Variants in TMEM131 observed in about 807,000 individuals in gnomAD.
TMEM131 encodes 2610524E03Rik.
Under a neutral mutation model 211.6 loss-of-function variants are expected in TMEM131, and 66 were observed. That is an observed-to-expected ratio of 0.31 (90% CI 0.26 to 0.38). TMEM131 has a LOEUF of 0.38. TMEM131 is among the 10% of genes least tolerant of loss of function. The probability of loss-of-function intolerance (pLI) is 1.00; values close to 1 mark genes in which losing one functional copy is unlikely to be tolerated. For missense variants in TMEM131, 2,036 were observed against 2,299.3 expected (o/e 0.89, Z 2.34); for synonymous variants, 844 against 841.3 (o/e 1.00, Z -0.06).
At chr2:97,906,995 T>A (rs891758202) in intron 3 of TMEM131, 4 of 152,234 alleles carry the variant, frequency 2.6e-5, no homozygotes, top group African/African-American at 9.6e-5. Flanking sequence ...CAAATTTTGA[T>A]CACGAATGAA....
chr2:97,796,765 A>C, intron 27 of TMEM131, 79 bp downstream of exon 27: 1 of 1,441,646 alleles, frequency 6.9e-7, no homozygotes. Flanking sequence ...ACATACAGAA[A>C]TAATGTTGTT....
At chr2:97,922,170 C>T (rs901086168) in intron 2 of TMEM131, among the ~76,000 whole-genome samples, 2 of 152,164 alleles carry the variant, frequency 1.3e-5, no homozygotes, top group African/African-American at 4.8e-5. Flanking sequence ...CAACCTAGAT[C>T]TCTCATGTGC....
At chr2:97,911,205 T>A (rs1676277982) in intron 2 of TMEM131, among the ~76,000 whole-genome samples, 1 of 152,188 alleles carries the variant, frequency 6.6e-6, no homozygotes, top group African/African-American at 2.4e-5. Context: ...AAAAAGTACA[T>A]TCTGTATGAC....
intron 1 of TMEM131, among the ~76,000 whole-genome samples, chr2:97,973,622 C>T (rs914607489): frequency 6.6e-6 from 1 of 152,208 alleles, no homozygotes; most frequent in African/African-American, 2.4e-5. Flanking sequence ...CTGATCAGTG[C>T]ATTTGTGTGA....
intron 4 of TMEM131, among the ~76,000 whole-genome samples, chr2:97,875,524 G>C (rs1456346238): frequency 6.6e-6 from 1 of 152,180 alleles, no homozygotes; most frequent in Non-Finnish European, 1.5e-5. Flanking sequence ...CAGTTTCTCA[G>C]ATCACAGTGC....
intron 12 of TMEM131, 42 bp downstream of exon 12, chr2:97,818,571 A>G (rs377667655): frequency 9.7e-5 from 128 of 1,325,796 alleles, no homozygotes; most frequent in Non-Finnish European, 1.3e-4. Flanking sequence ...TAGTTTATCA[A>G]AATAACATCA....
At chr2:97,902,859 C>G (rs982183661) in intron 3 of TMEM131, among the ~76,000 whole-genome samples, 4 of 152,184 alleles carry the variant, frequency 2.6e-5, no homozygotes, top group African/African-American at 9.7e-5. Flanking sequence ...TCCAAGCCTA[C>G]ATCTTTCTCC....
At chr2:97,845,786 G>A (rs1259072598) in intron 5 of TMEM131, among the ~76,000 whole-genome samples, 1 of 144,056 alleles carries the variant, frequency 6.9e-6, no homozygotes, top group Non-Finnish European at 1.5e-5. Flanking sequence ...CAATAAAACC[G>A]AAGCTGGTGC....
At chr2:97,769,605 C>T (rs1679366471) in intron 33 of TMEM131, among the ~76,000 whole-genome samples, 1 of 152,144 alleles carries the variant, frequency 6.6e-6, no homozygotes, top group Non-Finnish European at 1.5e-5. Context: ...CAGATTTTTA[C>T]AGATAATATG....
At position 97,812,440 on chromosome 2, in the gene TMEM131, G is replaced by A; in HGVS notation, c.1844C>T (p.Ser615Phe). The A allele has an allele frequency of 6.2e-7, 1 of 1,609,096 alleles. No individual in the cohort carries two copies. The change falls in exon 17 of 41, where the codon TCT becomes TTT. Residue 615 changes from serine to phenylalanine, a missense_variant. Coordinates refer to ENST00000186436, the MANE Select transcript of TMEM131 (RefSeq NM_015348.2). ...ACTTACCGATGATTGATCTGATAAA[G>A]AGGATTTTTCAAACTCTGGCAGGCT... ...ISSLPEFEKSSLSDQSSVTLA... is the reference protein window; with the variant it reads ...ISSLPEFEKSFLSDQSSVTLA...
chr2:97,772,381 T>C lies in TMEM131; in HGVS notation c.4364A>G (p.His1455Arg), dbSNP rs777862939. The C allele has an allele frequency of 3.7e-6, 6 of 1,610,336 alleles. No individual in the cohort carries two copies. Among genetic ancestry groups the C allele is most frequent in the African/African-American group, 1.3e-5 (1 of 74,640 alleles). The change falls in exon 33 of 41, where the codon CAT (histidine) becomes CGT (arginine). Residue 1455 changes from histidine to arginine, a missense_variant. Physicochemically the swap from His to Arg is conservative, Grantham distance 29. Around this residue, in one of 3 missense-constraint regions of TMEM131, gnomAD observed 1,623 missense variants for 1,805.9 expected, o/e 0.90. Coordinates refer to ENST00000186436, the MANE Select transcript of TMEM131 (RefSeq NM_015348.2). ...CTTCACTTGAGACATTTCACTTTCA[T>C]GTTTTTCAGGCATGGCTTGTTTTCC... ...QKGKQAMPEK[H>R]ESEMSQVKQK...
intron 22 of TMEM131, among the ~76,000 whole-genome samples, chr2:97,804,182 G>C (rs922060948): frequency 3.3e-5 from 5 of 152,106 alleles, no homozygotes; most frequent in Admixed American, 1.3e-4. Context: ...CATTATTCTA[G>C]TCAAATTCTT....
chr2:97,848,673 A>G (rs184869154), intron 5 of TMEM131, among the ~76,000 whole-genome samples: 3 of 152,038 alleles, frequency 2.0e-5, no homozygotes, highest in Admixed American at 1.3e-4. Context: ...GAATCCATGG[A>G]TGAGAAGCTC....
At position 97,834,649 on chromosome 2, in the gene TMEM131, C is replaced by G; in HGVS notation, c.984G>C (p.Met328Ile). 6.4e-7 allele frequency: 1 copy of G among 1,570,496 alleles called. No homozygotes were observed. Among genetic ancestry groups the G allele is most frequent in the Non-Finnish European group, 8.6e-7 (1 of 1,160,094 alleles). ...GTGTTCTTAGTGTACCAAAATCTAA[C>G]ATTTCAGTTGAGGAATAAATTCCAG... Reference protein sequence around the residue: ...TAPGIYSSTEMLDFGTLRTQD... With the variant: ...TAPGIYSSTEILDFGTLRTQD... Residue 328 changes from methionine (M) to isoleucine (I), a missense_variant, in exon 10 of 41, where the codon ATG becomes ATC. Met to Ile is a conservative substitution (Grantham distance 10). Around this residue, in one of 3 missense-constraint regions of TMEM131, gnomAD observed 277 missense variants for 378.0 expected, o/e 0.73. Coordinates refer to ENST00000186436, the MANE Select transcript of TMEM131 (RefSeq NM_015348.2).
intron 13 of TMEM131, 31 bp downstream of exon 13, chr2:97,815,168 G>T: frequency 7.8e-7 from 1 of 1,279,662 alleles, no homozygotes; most frequent in Non-Finnish European, 1.1e-6. Context: ...TTAGTAAAAA[G>T]TAATAGAATT....
intron 1 of TMEM131, among the ~76,000 whole-genome samples, chr2:97,954,248 T>C (rs1559472121): frequency 6.6e-6 from 1 of 151,784 alleles, no homozygotes; most frequent in Non-Finnish European, 1.5e-5. Flanking sequence ...TGAAAAATAA[T>C]CAAAACTGAA....
intron 1 of TMEM131, among the ~76,000 whole-genome samples, chr2:97,991,455 A>T (rs1211093314): frequency 2.6e-5 from 4 of 152,178 alleles, no homozygotes; most frequent in African/African-American, 9.7e-5. Context: ...AAGGGTCAAA[A>T]CTGAATCCAG....
intron 1 of TMEM131, among the ~76,000 whole-genome samples, chr2:97,928,563 T>C (rs539476328): frequency 4.0e-4 from 61 of 151,862 alleles, no homozygotes; most frequent in Non-Finnish European, 8.1e-4. Context: ...AATGAATGAA[T>C]CAACCTTACT....
intron 1 of TMEM131, among the ~76,000 whole-genome samples, chr2:97,938,272 T>C (rs1677543644): frequency 6.6e-6 from 1 of 152,100 alleles, no homozygotes. Flanking sequence ...GTGTGCTGTA[T>C]TCAGGAAACC....
Sources: allele counts gnomAD v4.1 joint callset (sites outside exome capture counted in the v4.1 genomes callset), GRCh38; gene constraint gnomAD v4.1.1; regional missense constraint gnomAD v4.1.1; transcripts MANE v1.5; gene names NCBI Gene and HGNC (gene_info 2026-07-23, HGNC 2026-07-21).